The following MAD1L1 variants were observed in gnomAD, a reference collection of about 807,000 sequenced individuals.
MAD1L1 encodes the protein mitotic spindle assembly checkpoint protein MAD1.
In MAD1L1, 95 loss-of-function variants were observed where a neutral mutation model predicts 96.9. That is an observed-to-expected ratio of 0.98 (90% CI 0.83 to 1.16). The LOEUF (loss-of-function observed/expected upper bound fraction) is 1.16, where lower values mean the gene tolerates loss of function less well. MAD1L1 is among the 50% of genes most tolerant of loss of function. The pLI, the probability that MAD1L1 is intolerant of heterozygous loss-of-function variation, is 0.00. For synonymous variants in MAD1L1, 473 were observed against 396.6 expected, an observed-to-expected ratio of 1.19 and a Z score of -2.29; for missense variants, 1,007 against 954.4, an observed-to-expected ratio of 1.06 and a Z score of -0.73.
intron 15 of MAD1L1, among the ~76,000 whole-genome samples, chr7:1,963,373 C>T (rs1780028485): frequency 6.6e-6 from 1 of 152,140 alleles, no homozygotes; most frequent in African/African-American, 2.4e-5. Context: ...ACTCGACAGC[C>T]GCCCGCCAAT....
At chr7:2,014,663 T>A (rs1293152480) in intron 12 of MAD1L1, 21 bp from the exon 13 acceptor site, 1 of 1,594,970 alleles carries the variant, frequency 6.3e-7, no homozygotes, top group Admixed American at 1.7e-5. Flanking sequence ...AGAGGGCAGC[T>A]GATCAGGACC....
intron 10 of MAD1L1, among the ~76,000 whole-genome samples, chr7:2,171,263 T>A (rs1367817558): frequency 2.0e-5 from 3 of 152,222 alleles, no homozygotes; most frequent in Non-Finnish European, 4.4e-5. Flanking sequence ...TGCAGTTCCA[T>A]AACCTGCCTG....
At chr7:1,858,100 G>T (rs1247411318) in intron 18 of MAD1L1, among the ~76,000 whole-genome samples, 1 of 152,202 alleles carries the variant, frequency 6.6e-6, no homozygotes, top group Non-Finnish European at 1.5e-5. Flanking sequence ...TAATTGGTAG[G>T]TCTAACATTT....
chr7:2,111,143 A>T (rs897128899), intron 11 of MAD1L1, among the ~76,000 whole-genome samples: 1 of 152,246 alleles, frequency 6.6e-6, no homozygotes, highest in African/African-American at 2.4e-5. Flanking sequence ...AAGAAGAAAC[A>T]GGGAGAGAGG....
At chr7:2,167,150 G>A (rs961582258) in intron 10 of MAD1L1, among the ~76,000 whole-genome samples, 7 of 152,202 alleles carry the variant, frequency 4.6e-5, no homozygotes, top group African/African-American at 1.2e-4. Context: ...ACTGGGCAAC[G>A]GAGGTGCTGC....
At chr7:1,878,223 T>C (rs566500795) in intron 18 of MAD1L1, among the ~76,000 whole-genome samples, 3 of 151,986 alleles carry the variant, frequency 2.0e-5, no homozygotes, top group Non-Finnish European at 2.9e-5. Context: ...ATGACCTCAC[T>C]AGTGAATTCT....
At chr7:2,102,331 T>TCACCACCGC (rs1786843961) in intron 11 of MAD1L1, among the ~76,000 whole-genome samples, 2 of 123,274 alleles carry the variant, frequency 1.6e-5, no homozygotes, top group Non-Finnish European at 3.6e-5. Flanking sequence ...GCCGTCACCA[T>TCACCACCGC]CACCATCACC....
intron 11 of MAD1L1, among the ~76,000 whole-genome samples, chr7:2,083,286 C>T (rs867036231): frequency 6.6e-6 from 1 of 152,222 alleles, no homozygotes; most frequent in African/African-American, 2.4e-5. Context: ...ATTTATGAAC[C>T]TCGCTTCCTC....
chr7:1,828,728 C>CACACACAT (rs149062636), intron 18 of MAD1L1, among the ~76,000 whole-genome samples: 7 of 152,004 alleles, frequency 4.6e-5, no homozygotes, highest in Admixed American at 3.9e-4. Flanking sequence ...CACAGGCACA[C>CACACACAT]GCACACATGC....
At chr7:1,867,593 G>T (rs1249263853) in intron 18 of MAD1L1, among the ~76,000 whole-genome samples, 1 of 152,240 alleles carries the variant, frequency 6.6e-6, no homozygotes, top group Non-Finnish European at 1.5e-5. Context: ...CATCTCAGCA[G>T]CACTCTGCCA....
chr7:1,857,609 C>A (rs1784321984), intron 18 of MAD1L1, among the ~76,000 whole-genome samples: 1 of 152,220 alleles, frequency 6.6e-6, no homozygotes, highest in Admixed American at 6.5e-5. Context: ...GGATGAGCCC[C>A]TGGACCAGGG....
intron 18 of MAD1L1, among the ~76,000 whole-genome samples, chr7:1,872,194 A>G (rs775125238): frequency 2.2e-4 from 33 of 152,326 alleles, no homozygotes; most frequent in Admixed American, 4.6e-4. Context: ...CTGCAGGGTC[A>G]GACATGCACA....
chr7:1,822,727 ATT>A (rs146496198), intron 18 of MAD1L1, among the ~76,000 whole-genome samples: 163 of 134,474 alleles, frequency 1.2e-3, no homozygotes, highest in African/African-American at 1.1e-3. Context: ...CCCGGCCAGC[ATT>A]TTTTTTTTTT....
At chr7:1,882,801 C>T (rs1220493439) in intron 18 of MAD1L1, among the ~76,000 whole-genome samples, 5 of 152,230 alleles carry the variant, frequency 3.3e-5, no homozygotes, top group South Asian at 4.1e-4. Context: ...ATCACCAGGG[C>T]GGCCGTGACT....
At chr7:2,091,456 GC>G (rs1786208271) in intron 11 of MAD1L1, among the ~76,000 whole-genome samples, 1 of 152,186 alleles carries the variant, frequency 6.6e-6, no homozygotes, top group Admixed American at 6.5e-5. Flanking sequence ...CTGGGGTCTG[GC>G]TTTTCTCACT....
At chr7:1,932,501 G>A (rs1486727770) in intron 17 of MAD1L1, among the ~76,000 whole-genome samples, 3 of 152,072 alleles carry the variant, frequency 2.0e-5, no homozygotes, top group East Asian at 1.9e-4. Context: ...ATGTGGGGCT[G>A]GGGGGCTATG....
Position 2,020,482 on chromosome 7 carries a change from G to A in MAD1L1, c.1219-5840C>T, listed in dbSNP as rs531667512. Among the ~76,000 whole-genome samples, 18 of 152,344 alleles carry A rather than the reference G, an allele frequency of 1.2e-4. No homozygotes were observed. The East Asian group carries it at 1.4e-3, about 11-fold the overall frequency. On this transcript the variant is annotated intron_variant, in intron 12 of 18. Transcript: ENST00000265854. Reference sequence around the variant, plus strand: ...CACACGGCAGCTGTGAGACCGAGCCGCAGGGGGACGCCCGGCCCTGACATC... The same window carrying A: ...CACACGGCAGCTGTGAGACCGAGCCACAGGGGGACGCCCGGCCCTGACATC...
intron 10 of MAD1L1, among the ~76,000 whole-genome samples, chr7:2,212,724 C>A (rs541420250): frequency 6.6e-6 from 1 of 152,168 alleles, no homozygotes; most frequent in African/African-American, 2.4e-5. Flanking sequence ...GCTGCAGAAG[C>A]GTGAGCCAAT....
At chr7:2,205,427 T>C (rs1237265857) in intron 10 of MAD1L1, among the ~76,000 whole-genome samples, 2 of 152,134 alleles carry the variant, frequency 1.3e-5, no homozygotes, top group African/African-American at 2.4e-5. Flanking sequence ...AGATTTAGCA[T>C]TTCAGCAGAT....
Sources: gnomAD v4.1 joint callset for allele counts (sites outside exome capture counted in the v4.1 genomes callset) on GRCh38, gnomAD v4.1.1 for gene constraint, MANE v1.5 for transcripts, NCBI Gene and HGNC (gene_info 2026-07-23, HGNC 2026-07-21) for gene names.